FLVCR2: variants seen among roughly 807,000 people sequenced by gnomAD.
The protein encoded by FLVCR2 is FLVCR choline and putative heme transporter 2.
A neutral mutation model predicts 48.9 loss-of-function variants in FLVCR2; 38 were observed. The observed-to-expected ratio is 0.78, with a 90% confidence interval of 0.60 to 1.02. FLVCR2 has a LOEUF of 1.02. FLVCR2 is among the 50% of genes least tolerant of loss of function. The probability of loss-of-function intolerance (pLI) is 0.00; values close to 1 mark genes in which losing one functional copy is unlikely to be tolerated. For synonymous variants in FLVCR2, 255 were observed against 257.0 expected (o/e 0.99, Z 0.07); for missense variants, 664 against 663.3 (o/e 1.00, Z -0.01).
intron 8 of FLVCR2, 76 bp downstream of exon 8, chr14:75,641,369 T>C (rs1459454623): frequency 4.4e-6 from 4 of 917,802 alleles, no homozygotes; most frequent in Admixed American, 3.5e-5. Flanking sequence ...GAGCAACAGA[T>C]AGGGAGTACG....
chr14:75,647,893 G>A lies in FLVCR2; in HGVS notation c.*1421G>A, dbSNP rs1256087840. 6.5e-6 allele frequency: 1 copy of A among 152,890 alleles called. No homozygotes were observed. The highest frequency in any genetic ancestry group is 2.4e-5 in the African/African-American group (1 of 41,436). The allele number at this position is 152,890 out of a possible 1,614,324, so 9.5% of individuals were successfully genotyped here. On this transcript the variant is annotated 3_prime_UTR_variant, in exon 10 of 10. Coordinates refer to ENST00000238667, the MANE Select transcript of FLVCR2 (RefSeq NM_017791.3). Reference sequence around the variant, plus strand: ...TTTGTGTGTGTCTGCATGTGTGTGTGTGTGTGTTTGTACAGATTCAAGCAA... The same window carrying A: ...TTTGTGTGTGTCTGCATGTGTGTGTATGTGTGTTTGTACAGATTCAAGCAA...
At chr14:75,608,444 G>A (rs892692158) in intron 1 of FLVCR2, among the ~76,000 whole-genome samples, 2 of 152,170 alleles carry the variant, frequency 1.3e-5, no homozygotes, top group African/African-American at 4.8e-5. Flanking sequence ...ACGATGCAAC[G>A]TTTGAGTCTA....
At chr14:75,604,510 C>G (rs1454393640) in intron 1 of FLVCR2, among the ~76,000 whole-genome samples, 1 of 151,904 alleles carries the variant, frequency 6.6e-6, no homozygotes, top group Non-Finnish European at 1.5e-5. Context: ...ATTGCTTAAG[C>G]CTAGGAGTTC....
At chr14:75,638,493 CT>C (rs1238797001) in intron 5 of FLVCR2, among the ~76,000 whole-genome samples, 3 of 152,152 alleles carry the variant, frequency 2.0e-5, no homozygotes, top group Non-Finnish European at 4.4e-5. Flanking sequence ...GTCTGTTGGT[CT>C]GTTCAAGTAG....
At chr14:75,586,772 C>T (rs1888762831) in intron 1 of FLVCR2, among the ~76,000 whole-genome samples, 2 of 152,000 alleles carry the variant, frequency 1.3e-5, no homozygotes, top group African/African-American at 4.8e-5. Flanking sequence ...CTTCTGCTTG[C>T]ATTAAAATCC....
chr14:75,628,447 GTCC>G (rs1184653898), intron 3 of FLVCR2, among the ~76,000 whole-genome samples: 2 of 152,128 alleles, frequency 1.3e-5, no homozygotes, highest in Non-Finnish European at 2.9e-5. Context: ...AATTACCCCA[GTCC>G]TCCTAATCCC....
intron 1 of FLVCR2, among the ~76,000 whole-genome samples, chr14:75,616,836 C>T (rs1889630732): frequency 6.6e-6 from 1 of 152,192 alleles, no homozygotes; most frequent in Non-Finnish European, 1.5e-5. Flanking sequence ...TGCCTGGGAC[C>T]CAGCAAAAGG....
chr14:75,633,514 C>A, intron 3 of FLVCR2, 115 bp from the exon 4 acceptor site: 1 of 827,470 alleles, frequency 1.2e-6, no homozygotes, highest in Non-Finnish European at 2.1e-6. Context: ...GGATACTGCT[C>A]AGAGTGGCAG....
At chr14:75,631,103 A>G (rs1890027423) in intron 3 of FLVCR2, among the ~76,000 whole-genome samples, 1 of 152,324 alleles carries the variant, frequency 6.6e-6, no homozygotes, top group Admixed American at 6.5e-5. Flanking sequence ...GAAAACATAC[A>G]TAAGCTCCTA....
rs188707531 is a variant in FLVCR2, at chr14:75,633,614, C to T, written c.953-15C>T. 378 of 1,609,812 alleles carry T rather than the reference C, an allele frequency of 2.3e-4. No homozygotes were observed. The highest frequency in any genetic ancestry group is 2.8e-4 in the Non-Finnish European group (327 of 1,176,048). On this transcript the variant is annotated splice_polypyrimidine_tract_variant and intron_variant, in intron 3 of 9. Transcript: ENST00000238667. ...AAGCTGACCCTAATGTTGTATTTCT[C>T]GCTCCCTTCTTCAGGTCTGAATGCT...
intron 1 of FLVCR2, among the ~76,000 whole-genome samples, chr14:75,616,920 T>TCCTTG (rs1187408488): frequency 5.9e-5 from 9 of 152,218 alleles, no homozygotes; most frequent in Non-Finnish European, 1.3e-4. Flanking sequence ...GACAAAGAGC[T>TCCTTG]CCTTGCCTTG....
chr14:75,617,226 A>C (rs1385573384), intron 1 of FLVCR2, among the ~76,000 whole-genome samples: 2 of 152,172 alleles, frequency 1.3e-5, no homozygotes, highest in Admixed American at 1.3e-4. Context: ...TGCCAAATGC[A>C]TGAGCTAGAA....
chr14:75,599,623 G>A (rs1889114759), intron 1 of FLVCR2, among the ~76,000 whole-genome samples: 1 of 152,060 alleles, frequency 6.6e-6, no homozygotes, highest in South Asian at 2.1e-4. Context: ...ATTCATATGG[G>A]ATTTCAGGGA....
chr14:75,628,989 G>A (rs886622698), intron 3 of FLVCR2, among the ~76,000 whole-genome samples: 1 of 152,188 alleles, frequency 6.6e-6, no homozygotes, highest in Non-Finnish European at 1.5e-5. Context: ...CACTAAGAGG[G>A]GGAGTAACTG....
intron 1 of FLVCR2, among the ~76,000 whole-genome samples, chr14:75,584,017 G>A (rs1432770013): frequency 6.6e-6 from 1 of 152,206 alleles, no homozygotes; most frequent in African/African-American, 2.4e-5. Flanking sequence ...GGCTTTAGGA[G>A]TGGCCGCGAT....
chr14:75,628,104 C>CAAACAA (rs532674166), intron 3 of FLVCR2, among the ~76,000 whole-genome samples: 1 of 151,898 alleles, frequency 6.6e-6, no homozygotes, highest in African/African-American at 2.4e-5. Context: ...CAAATTAAAA[C>CAAACAA]AAACAAAAAC....
intron 1 of FLVCR2, among the ~76,000 whole-genome samples, chr14:75,603,332 G>C (rs955937002): frequency 6.6e-6 from 1 of 152,172 alleles, no homozygotes; most frequent in Admixed American, 6.5e-5. Context: ...AGCAGAGAAG[G>C]GGAGAAGCAT....
At chr14:75,610,027 G>A (rs947891693) in intron 1 of FLVCR2, among the ~76,000 whole-genome samples, 1 of 152,156 alleles carries the variant, frequency 6.6e-6, no homozygotes, top group Non-Finnish European at 1.5e-5. Context: ...ATGGCGCTTT[G>A]CACATCGCCT....
chr14:75,645,469 G>A (rs897500800), intron 9 of FLVCR2, among the ~76,000 whole-genome samples: 2 of 152,186 alleles, frequency 1.3e-5, no homozygotes, highest in East Asian at 1.9e-4. Flanking sequence ...ATAATTTCCA[G>A]GCCATGTTGA....
Sources: allele counts gnomAD v4.1 joint callset (sites outside exome capture counted in the v4.1 genomes callset), GRCh38; gene constraint gnomAD v4.1.1; transcripts MANE v1.5; gene names NCBI Gene and HGNC (gene_info 2026-07-23, HGNC 2026-07-21).